ATP4A: variants seen among roughly 807,000 people sequenced by gnomAD.
ATP4A encodes ATPase H+/K+ transporting subunit alpha, also known as potassium-transporting ATPase alpha chain 1.
In ATP4A, 73 loss-of-function variants were observed where a neutral mutation model predicts 112.1. The observed-to-expected ratio is 0.65, with a 90% CI of 0.54 to 0.79. ATP4A has a LOEUF of 0.79. ATP4A is among the 30% of genes least tolerant of loss of function. ATP4A has a pLI of 0.00. For missense variants in ATP4A, 1,081 were observed against 1,425.9 expected (o/e 0.76, Z 3.90); for synonymous variants, 588 against 588.9 (o/e 1.00, Z 0.02).
At position 35,550,875 on chromosome 19, in the gene ATP4A, TAGACGA is replaced by T; in HGVS notation, c.3032_3037del (p.Phe1011_Val1012del). On this transcript the variant is annotated inframe_deletion, in exon 21 of 22. Transcript: ENST00000262623. The surrounding 1 kb of genome is among the most constrained non-coding windows in gnomAD (Gnocchi z 4.1). ...AACTCCAAGCTTCCGGATCTCATCA[TAGACGA>T]AGATGAGGATGCCGTAGGGCAGGGG... 1.2e-6 allele frequency: 2 copies of T among 1,614,242 alleles called. No individual in the cohort carries two copies. The highest frequency in any genetic ancestry group is 1.7e-6 in the Non-Finnish European group (2 of 1,180,032).
intron 3 of ATP4A, 89 bp downstream of exon 3, chr19:35,563,120 C>T (rs1029992325): frequency 1.7e-5 from 25 of 1,462,230 alleles, no homozygotes; most frequent in Non-Finnish European, 2.3e-5. Context: ...CTCTCCCTCT[C>T]TCTCCCTCTC....
Position 35,557,638 on chromosome 19 carries a change from C to G in ATP4A, c.1693+17G>C. 1.3e-6 allele frequency: 2 copies of G among 1,596,322 alleles called. No homozygotes were observed. The highest frequency in any genetic ancestry group is 1.7e-6 in the Non-Finnish European group (2 of 1,171,968). ...CTCCTCGCACCTGGAGTCTCCTCCC[C>G]TGCCCAGGGGTCTCACCGAGCACGC... is the stretch of plus-strand genomic sequence containing the variant. On this transcript the variant is annotated intron_variant, in intron 11 of 21. Coordinates refer to ENST00000262623, the MANE Select transcript of ATP4A (RefSeq NM_000704.3). The surrounding 1 kb of genome is among the most constrained non-coding windows in gnomAD (Gnocchi z 4.4).
rs181011523 is a variant in ATP4A at position 35,563,548 on chromosome 19, G to A, written c.13-21C>T. On this transcript the variant is annotated intron_variant, in intron 1 of 21. Coordinates refer to ENST00000262623, the MANE Select transcript of ATP4A (RefSeq NM_000704.3). ...TTCTCCTGGGAATGGACAGGATGGA[G>A]GGAGGGAGAACTCAGATTCCACTGC... The A allele has an allele frequency of 5.1e-5, 83 of 1,613,940 alleles. No individual in the cohort carries two copies. The Middle Eastern group carries it at 3.5e-3, about 67-fold the overall frequency.
At position 35,553,715 on chromosome 19, in the gene ATP4A, A is replaced by G. The variant is rs746843751; in HGVS notation, c.2596T>C (p.Phe866Leu). ...VNEPLAAYSY[F>L]QIGAIQSFAG... ...GCCCACGGGCACCCACCAATCTGGA[A>G]GTAGGAGTAGGCAGCCAGGGGCTCG... Residue 866 changes from phenylalanine to leucine, a missense_variant, in exon 17 of 22, where the codon TTC becomes CTC. Coordinates refer to ENST00000262623, the MANE Select transcript of ATP4A (RefSeq NM_000704.3). The G allele has an allele frequency of 1.6e-5, 26 of 1,613,466 alleles. No homozygotes were observed. Among genetic ancestry groups the G allele is most frequent in the Non-Finnish European group, 2.0e-5 (24 of 1,179,830 alleles).
rs1252771945 is a variant in ATP4A, at chr19:35,554,937, T to C, written c.2466A>G (p.Glu822=). The change falls in exon 16 of 22, where the codon GAA becomes GAG. Residue 822 remains glutamate, a synonymous_variant. Transcript: ENST00000262623. ...GTGGACTTACAATGTCAGTGCAGAG[T>C]TCGATGAAGAGGATGGTGATGCACC... ...PLGCITILFI[E]LCTDIFPSVS... 6.2e-7 allele frequency: 1 copy of C among 1,613,870 alleles called. No homozygotes were observed. Among genetic ancestry groups the C allele is most frequent in the Admixed American group, 1.7e-5 (1 of 59,994 alleles).
intron 3 of ATP4A, 58 bp from the exon 4 acceptor site, chr19:35,562,696 C>G (rs776283132): frequency 4.0e-6 from 6 of 1,484,348 alleles, no homozygotes; most frequent in Non-Finnish European, 5.4e-6. Context: ...ATGCACACCC[C>G]GTGGAAAGCC....
Position 35,555,347 on chromosome 19 carries a change from G to A in ATP4A, c.2158-13C>T, listed in dbSNP as rs1259717355. On this transcript the variant is annotated splice_polypyrimidine_tract_variant and intron_variant, in intron 14 of 21. Transcript: ENST00000262623. The surrounding 1 kb of genome is among the most constrained non-coding windows in gnomAD (Gnocchi z 6.6). ...CCACAATCGCACCCTGCAGGCAGTG[G>A]GTGCAGGTGGTGGGTGGGTGGTCAG... 6.2e-7 allele frequency: 1 copy of A among 1,608,806 alleles called. No homozygotes were observed. Among genetic ancestry groups the A allele is most frequent in the Non-Finnish European group, 8.5e-7 (1 of 1,176,564 alleles).
chr19:35,551,325 G>T lies in ATP4A; in HGVS notation c.2885+122C>A. The T allele has an allele frequency of 6.7e-7, 1 of 1,486,726 alleles. No individual in the cohort carries two copies. The allele number at this position is 1,486,726 out of a possible 1,614,324, so 92.1% of individuals were successfully genotyped here. A position where few individuals can be genotyped will look rare whatever the true frequency, so the allele number is the denominator to read the frequency against. ...ATTGGCCAGTTAGAAAGGTTTTTTTGGCATGTCACCATCTGGCACTGGCAC... is the reference window on the plus strand; with the variant it reads ...ATTGGCCAGTTAGAAAGGTTTTTTTTGCATGTCACCATCTGGCACTGGCAC... On this transcript the variant is annotated intron_variant, in intron 19 of 21. Coordinates refer to ENST00000262623, the MANE Select transcript of ATP4A (RefSeq NM_000704.3). The surrounding 1 kb of genome is among the most constrained non-coding windows in gnomAD (Gnocchi z 5.2).
chr19:35,555,513 G>T lies in ATP4A; in HGVS notation c.2084C>A (p.Thr695Asn), dbSNP rs766467929. The change falls in exon 14 of 22, where the codon ACC becomes AAC. Residue 695 changes from threonine (T) to asparagine (N), a missense_variant. By Grantham distance (65) the Thr-to-Asn change is moderately conservative. Transcript: ENST00000262623. This position sits in a 1 kb window ranked among gnomAD's most constrained non-coding sequence, Gnocchi z 6.6. ...GCGCGCAAACACCATCTCGGGGTGG[G>T]TGCGCAGGGCCTCGACCAGTTCCGA... The part of the protein sequence containing the change: ...DPSELVEALR[T>N]HPEMVFARTS... The T allele has an allele frequency of 6.2e-7, 1 of 1,607,094 alleles. No homozygotes were observed. The highest frequency in any genetic ancestry group is 1.1e-5 in the South Asian group (1 of 90,100).
Position 35,555,922 on chromosome 19 carries a change from C to T in ATP4A, c.1870-110G>A. ...TGTTCATTTACTTGACCAAGCGTGACCACCTCCTACGTGCCTGGGATATAG... is the reference window on the plus strand; with the variant it reads ...TGTTCATTTACTTGACCAAGCGTGATCACCTCCTACGTGCCTGGGATATAG... On this transcript the variant is annotated intron_variant, in intron 12 of 21. Transcript: ENST00000262623. The surrounding 1 kb of genome is among the most constrained non-coding windows in gnomAD (Gnocchi z 6.6). 6.9e-7 allele frequency: 1 copy of T among 1,442,476 alleles called. No individual in the cohort carries two copies. The highest frequency in any genetic ancestry group is 1.4e-5 in the South Asian group (1 of 71,014). 89.4% of individuals were successfully genotyped at this position (1,442,476 alleles called of 1,614,324 possible). A position where few individuals can be genotyped will look rare whatever the true frequency, so the allele number is the denominator to read the frequency against.
At chr19:35,563,183 CT>C in intron 3 of ATP4A, 25 bp downstream of exon 3, 1 of 1,613,190 alleles carries the variant, frequency 6.2e-7, no homozygotes, top group Middle Eastern at 1.7e-4. Flanking sequence ...CCTCCCCTTT[CT>C]GTACGCTCCC....
At chr19:35,553,407 G>A (rs2071612831) in intron 17 of ATP4A, among the ~76,000 whole-genome samples, 1 of 152,080 alleles carries the variant, frequency 6.6e-6, no homozygotes, top group Non-Finnish European at 1.5e-5. Flanking sequence ...GAGAAGCAGG[G>A]ACAGAGAGAC....
rs778068179 is a variant in ATP4A at position 35,560,772 on chromosome 19, G to T, written c.534+47C>A. ...CTGATGGAAGGAGGCTACAGGAGCA[G>T]TTTGGAGTCTCTGGGATCTGGAGTG... On this transcript the variant is annotated intron_variant, in intron 5 of 21. Coordinates refer to ENST00000262623, the MANE Select transcript of ATP4A (RefSeq NM_000704.3). This position sits in a 1 kb window ranked among gnomAD's most constrained non-coding sequence, Gnocchi z 5.1. The T allele has an allele frequency of 4.4e-6, 7 of 1,599,166 alleles. No homozygotes were observed. The highest frequency in any genetic ancestry group is 1.1e-5 in the South Asian group (1 of 90,772).
In ATP4A at chr19:35,553,074, TG is replaced by T; in HGVS notation, c.2713del (p.His905ThrfsTer63). The part of the protein sequence containing the change: ...VGLRAQWEDH[H>X]LQDLQDSYGQ... ...GTAGCTGTCCTGCAGATCTTGTAGG[TG>T]GTGGTCCTCCCACTGCGCCCGCAGC... On this transcript the variant is annotated frameshift_variant, in exon 18 of 22. Coordinates refer to ENST00000262623, the MANE Select transcript of ATP4A (RefSeq NM_000704.3). LOFTEE classifies it high-confidence loss of function. The T allele has an allele frequency of 6.2e-7, 1 of 1,610,210 alleles. No individual in the cohort carries two copies. Among genetic ancestry groups the T allele is most frequent in the Non-Finnish European group, 8.5e-7 (1 of 1,177,048 alleles).
In ATP4A at chr19:35,550,575, G is replaced by A; in HGVS notation, c.*40C>T. The A allele has an allele frequency of 1.2e-6, 2 of 1,612,436 alleles. No homozygotes were observed. Among genetic ancestry groups the A allele is most frequent in the Non-Finnish European group, 1.7e-6 (2 of 1,178,664 alleles). The stretch of plus-strand genomic sequence containing the variant: ...GGTCCCACGAGCCCTGCCCCCACCT[G>A]CTGTGGCAGTTGCAGGGATGCTTGA... On this transcript the variant is annotated 3_prime_UTR_variant, in exon 22 of 22. Transcript: ENST00000262623. The surrounding 1 kb of genome is among the most constrained non-coding windows in gnomAD (Gnocchi z 4.1).
chr19:35,555,569 G>A lies in ATP4A; in HGVS notation c.2028C>T (p.Ile676=). The part of the protein sequence containing the change: ...VNRKDARACV[I]NGMQLKDMDP... ...CCATGTCCTTCAGCTGCATGCCATT[G>A]ATCACACAGGCACGGGCATCCCTGG... is the stretch of plus-strand genomic sequence containing the variant. Residue 676 remains isoleucine (I), a synonymous_variant, in exon 14 of 22, where the codon ATC becomes ATT. Coordinates refer to ENST00000262623, the MANE Select transcript of ATP4A (RefSeq NM_000704.3). This position sits in a 1 kb window ranked among gnomAD's most constrained non-coding sequence, Gnocchi z 6.6. The A allele has an allele frequency of 6.3e-7, 1 of 1,585,780 alleles. No homozygotes were observed. The highest frequency in any genetic ancestry group is 8.6e-7 in the Non-Finnish European group (1 of 1,160,580).
Position 35,558,064 on chromosome 19 carries a change from T to G in ATP4A, c.1501-217A>C. The G allele has an allele frequency of 1.6e-6, 1 of 606,390 alleles. No homozygotes were observed. Among genetic ancestry groups the G allele is most frequent in the South Asian group, 2.1e-5 (1 of 47,262 alleles). The allele number at this position is 606,390 out of a possible 1,614,324, so 37.6% of individuals were successfully genotyped here. A position where few individuals can be genotyped will look rare whatever the true frequency, so the allele number is the denominator to read the frequency against. ...GGCGGGGCTAGGTGCAGATTTGGAGTCCTGGACGCAGGGAATGAACAGAAT... is the reference window on the plus strand; with the variant it reads ...GGCGGGGCTAGGTGCAGATTTGGAGGCCTGGACGCAGGGAATGAACAGAAT... On this transcript the variant is annotated intron_variant, in intron 10 of 21. Transcript: ENST00000262623. This position sits in a 1 kb window ranked among gnomAD's most constrained non-coding sequence, Gnocchi z 5.1.
Position 35,550,536 on chromosome 19 carries a change from G to GATA in ATP4A, c.*78_*79insTAT. On this transcript the variant is annotated 3_prime_UTR_variant, in exon 22 of 22. Coordinates refer to ENST00000262623, the MANE Select transcript of ATP4A (RefSeq NM_000704.3). The surrounding 1 kb of genome is among the most constrained non-coding windows in gnomAD (Gnocchi z 4.1). Reference sequence around the variant, plus strand: ...GACTCTTGGTTGCTCAGATATCTTGGTGGCTGTCCAGAGGGTCCCACGAGC... The same window carrying GATA: ...GACTCTTGGTTGCTCAGATATCTTGGATATGGCTGTCCAGAGGGTCCCACGAGC... 1 of 1,568,334 alleles carries GATA rather than the reference G, an allele frequency of 6.4e-7. No homozygotes were observed. The highest frequency in any genetic ancestry group is 1.1e-5 in the South Asian group (1 of 89,564).
In ATP4A at chr19:35,558,277, C is replaced by T; in HGVS notation, c.1500+85G>A. ...GGAGAGAAGGGGCAAGGAGCGAAGC[C>T]CCTCGTGGCCCGCTGATGTGGGTGT... is the stretch of plus-strand genomic sequence containing the variant. On this transcript the variant is annotated intron_variant, in intron 10 of 21. Coordinates refer to ENST00000262623, the MANE Select transcript of ATP4A (RefSeq NM_000704.3). This position sits in a 1 kb window ranked among gnomAD's most constrained non-coding sequence, Gnocchi z 5.1. The T allele has an allele frequency of 6.7e-7, 1 of 1,482,850 alleles. No homozygotes were observed. The highest frequency in any genetic ancestry group is 9.0e-7 in the Non-Finnish European group (1 of 1,105,108). 91.9% of individuals were successfully genotyped at this position (1,482,850 alleles called of 1,614,324 possible).
Sources: allele counts gnomAD v4.1 joint callset (sites outside exome capture counted in the v4.1 genomes callset), GRCh38; gene constraint gnomAD v4.1.1; non-coding constraint Gnocchi (gnomAD v3.1); transcripts MANE v1.5; gene names NCBI Gene and HGNC (gene_info 2026-07-23, HGNC 2026-07-21).